The following COBL variants were observed in gnomAD, a reference collection of about 807,000 sequenced individuals.
COBL encodes protein cordon-bleu.
A neutral mutation model predicts 98.8 loss-of-function variants in COBL; 51 were observed. The observed-to-expected ratio is 0.52, with a 90% confidence interval of 0.41 to 0.65. COBL has a LOEUF of 0.65. Ranked by LOEUF, COBL falls within the 30% of genes least tolerant of loss-of-function variation. The probability of loss-of-function intolerance (pLI) is 0.00; values close to 1 mark genes in which losing one functional copy is unlikely to be tolerated. For missense variants in COBL, 1,617 were observed against 1,617.5 expected, an observed-to-expected ratio of 1.00 and a Z score of 0.01; for synonymous variants, 634 against 651.7, an observed-to-expected ratio of 0.97 and a Z score of 0.41.
intron 5 of COBL, among the ~76,000 whole-genome samples, chr7:51,153,936 CCAGACT>C (rs1272101292): frequency 6.6e-6 from 1 of 152,194 alleles, no homozygotes; most frequent in East Asian, 1.9e-4. Context: ...CATGTAACTT[CCAGACT>C]GGCCTGTAGA....
At chr7:51,114,663 G>A (rs1354650851) in intron 6 of COBL, among the ~76,000 whole-genome samples, 1 of 152,096 alleles carries the variant, frequency 6.6e-6, no homozygotes, top group South Asian at 2.1e-4. Flanking sequence ...CCTTGCTTGG[G>A]ATTTTCTTCC....
Position 51,225,440 on chromosome 7 carries a change from G to A in COBL, c.42-5496C>T, listed in dbSNP as rs1000502143. Among the ~76,000 whole-genome samples, 6 of 152,164 alleles carry A rather than the reference G, an allele frequency of 3.9e-5. No individual in the cohort carries two copies. In the East Asian group the frequency reaches 1.2e-3, roughly 29 times the overall value. On this transcript the variant is annotated intron_variant, in intron 1 of 12. Coordinates refer to ENST00000265136, the MANE Select transcript of COBL (RefSeq NM_015198.5). ...ACACCCATCGCAGGTGCTCCCGGCT[G>A]GCAGTGCACACAGGCTGGGTAATCC... is the stretch of plus-strand genomic sequence containing the variant.
chr7:51,029,024 CGTTGGTGCCATGAT>C lies in COBL; in HGVS notation c.2058_2071del (p.Ser687ArgfsTer11). On this transcript the variant is annotated frameshift_variant, in exon 10 of 13. Coordinates refer to ENST00000265136, the MANE Select transcript of COBL (RefSeq NM_015198.5). LOFTEE classifies it high-confidence loss of function. ...GTAGCTTTTCCCTGGGTTTTGGCCT[CGTTGGTGCCATGAT>C]GTTGGTGCCAAGGCAGCGTTTTTAT... 6.2e-7 allele frequency: 1 copy of C among 1,614,122 alleles called. No individual in the cohort carries two copies. The highest frequency in any genetic ancestry group is 8.5e-7 in the Non-Finnish European group (1 of 1,180,034).
chr7:51,048,039 C>A (rs1789886263), intron 7 of COBL, among the ~76,000 whole-genome samples: 1 of 152,082 alleles, frequency 6.6e-6, no homozygotes, highest in South Asian at 2.1e-4. Flanking sequence ...TGGTGGTGCA[C>A]ACCTGTAATC....
Position 51,272,948 on chromosome 7 carries a change from C to CAACAA in COBL, c.41+43644_41+43645insTTGTT, listed in dbSNP as rs1563113215. 3.0e-3 allele frequency among the ~76,000 whole-genome samples: 445 copies of CAACAA among 146,202 alleles called. 1 individual carries two copies. The highest frequency in any genetic ancestry group is 0.011 in the African/African-American group (422 of 36,752). ...GCGTTTTCATCTATGGAACACAATACCAACAACAACAACAACAACAACAAC... is the reference window on the plus strand; with the variant it reads ...GCGTTTTCATCTATGGAACACAATACAACAACAACAACAACAACAACAACAACAAC... On this transcript the variant is annotated intron_variant, in intron 1 of 12. Coordinates refer to ENST00000265136, the MANE Select transcript of COBL (RefSeq NM_015198.5).
At chr7:51,065,082 A>G in intron 7 of COBL, 1 of 658,376 alleles carries the variant, frequency 1.5e-6, no homozygotes, top group Middle Eastern at 2.4e-4. Flanking sequence ...CGGTCCATAG[A>G]AAACACCTTC....
chr7:51,025,328 G>A lies in COBL; in HGVS notation c.3549C>T (p.Ala1183=), dbSNP rs769194381. The A allele has an allele frequency of 3.9e-5, 63 of 1,613,290 alleles. No individual in the cohort carries two copies. The highest frequency in any genetic ancestry group is 2.6e-4 in the South Asian group (24 of 91,060). ...ASEELQSFRD[A]ALSAQGSESP... ...TTTCCGAGCCCTGAGCAGAGAGTGC[G>A]GCATCTCGGAAGCTCTGGAGCTCCT... The change falls in exon 12 of 13, where the codon GCC becomes GCT. Residue 1183 remains alanine (A), a synonymous_variant. Transcript: ENST00000265136.
intron 1 of COBL, among the ~76,000 whole-genome samples, chr7:51,260,441 T>A (rs1478202418): frequency 6.6e-6 from 1 of 152,182 alleles, no homozygotes; most frequent in Non-Finnish European, 1.5e-5. Context: ...ATTCTAAACA[T>A]CCACAAATGA....
chr7:51,200,671 C>A (rs965570236), intron 2 of COBL, among the ~76,000 whole-genome samples: 3 of 152,084 alleles, frequency 2.0e-5, no homozygotes, highest in Non-Finnish European at 4.4e-5. Context: ...TCAAAGTACA[C>A]TGCTACGATA....
chr7:51,016,798 G>C lies in COBL; in HGVS notation c.*753C>G, dbSNP rs924285823. 7.0e-5 allele frequency: 28 copies of C among 397,224 alleles called. No individual in the cohort carries two copies. The highest frequency in any genetic ancestry group is 6.2e-4 in the Middle Eastern group (1 of 1,608). The allele number at this position is 397,224 out of a possible 1,614,324, so 24.6% of individuals were successfully genotyped here. A position where few individuals can be genotyped will look rare whatever the true frequency, so the allele number is the denominator to read the frequency against. ...GCCTGGGGAATGGCTGTCCATGTGG[G>C]GCACTGCCCATCCACTCCAGTGGTG... On this transcript the variant is annotated 3_prime_UTR_variant, in exon 13 of 13. Coordinates refer to ENST00000265136, the MANE Select transcript of COBL (RefSeq NM_015198.5).
At chr7:51,294,810 G>A (rs1362673024) in intron 1 of COBL, among the ~76,000 whole-genome samples, 1 of 151,858 alleles carries the variant, frequency 6.6e-6, no homozygotes, top group Non-Finnish European at 1.5e-5. Flanking sequence ...CTTGTACATG[G>A]TCTATGCTCC....
At chr7:51,294,828 T>C (rs777060403) in intron 1 of COBL, among the ~76,000 whole-genome samples, 16 of 152,246 alleles carry the variant, frequency 1.1e-4, no homozygotes, top group South Asian at 2.1e-4. Context: ...TCCATTTATA[T>C]AGAATTTAAA....
rs138072195 is a variant in COBL, at chr7:51,028,543, G to A, written c.2553C>T (p.Thr851=). The A allele has an allele frequency of 1.9e-6, 3 of 1,614,244 alleles. No individual in the cohort carries two copies. The highest frequency in any genetic ancestry group is 1.3e-5 in the African/African-American group (1 of 75,056). ...MGHVRVPAAH[T]TEVTFLKPQR... is the part of the protein sequence containing the mutation. Reference sequence around the variant, plus strand: ...GAGGCTTGAGAAATGTGACTTCTGTGGTGTGAGCTGCTGGCACCCTCACGT... The same window carrying A: ...GAGGCTTGAGAAATGTGACTTCTGTAGTGTGAGCTGCTGGCACCCTCACGT... Residue 851 remains threonine (T), a synonymous_variant, in exon 10 of 13, where the codon ACC becomes ACT. Coordinates refer to ENST00000265136, the MANE Select transcript of COBL (RefSeq NM_015198.5).
At chr7:51,155,850 T>A (rs959444246) in intron 5 of COBL, among the ~76,000 whole-genome samples, 1 of 152,098 alleles carries the variant, frequency 6.6e-6, no homozygotes, top group Non-Finnish European at 1.5e-5. Flanking sequence ...CTAGGTCCCA[T>A]TGTGATGGTT....
chr7:51,075,445 T>C (rs1425352158), intron 7 of COBL, among the ~76,000 whole-genome samples: 1 of 152,228 alleles, frequency 6.6e-6, no homozygotes, highest in Admixed American at 6.5e-5. Flanking sequence ...ATCCGATACA[T>C]GTAAACAACC....
intron 6 of COBL, among the ~76,000 whole-genome samples, chr7:51,105,388 C>T (rs1796168919): frequency 6.6e-6 from 1 of 152,210 alleles, no homozygotes; most frequent in Non-Finnish European, 1.5e-5. Flanking sequence ...CCAAACCTCT[C>T]TGTGCCTTGG....
chr7:51,201,048 G>A (rs993262064), intron 2 of COBL, among the ~76,000 whole-genome samples: 3 of 152,032 alleles, frequency 2.0e-5, no homozygotes, highest in Admixed American at 6.6e-5. Context: ...AGACCAGCCT[G>A]GCCAACATGG....
intron 6 of COBL, among the ~76,000 whole-genome samples, chr7:51,099,145 G>T (rs1795583227): frequency 6.7e-6 from 1 of 149,972 alleles, no homozygotes; most frequent in Non-Finnish European, 1.5e-5. Flanking sequence ...GGAGAAATTA[G>T]AATTCTTATG....
chr7:51,050,837 A>G (rs980048370), intron 7 of COBL, among the ~76,000 whole-genome samples: 6 of 152,190 alleles, frequency 3.9e-5, no homozygotes, highest in African/African-American at 1.4e-4. Context: ...ATTATGCATA[A>G]CTGGTCAAGA....
Sources: gnomAD v4.1 joint callset for allele counts (sites outside exome capture counted in the v4.1 genomes callset) on GRCh38, gnomAD v4.1.1 for gene constraint, MANE v1.5 for transcripts, NCBI Gene and HGNC (gene_info 2026-07-23, HGNC 2026-07-21) for gene names.